The following NHERF1 variants were observed in gnomAD, a reference collection of about 807,000 sequenced individuals.
NHERF1 encodes Na(+)/H(+) exchange regulatory cofactor NHE-RF1.
the NHERF1 span, among the ~76,000 whole-genome samples, chr17:74,755,399 C>A: frequency 6.6e-6 from 1 of 152,186 alleles, no homozygotes; most frequent in Non-Finnish European, 1.5e-5. Flanking sequence ...GAGAGCCCCC[C>A]TCAAGGGTGG....
the NHERF1 span, among the ~76,000 whole-genome samples, chr17:74,757,970 T>G: frequency 1.3e-5 from 2 of 152,216 alleles, no homozygotes; most frequent in Non-Finnish European, 2.9e-5. Context: ...CCCTTTCCTC[T>G]GGGGTCCTGA....
At chr17:74,765,518 A>C in the NHERF1 span, among the ~76,000 whole-genome samples, 1 of 149,726 alleles carries the variant, frequency 6.7e-6, no homozygotes, top group Non-Finnish European at 1.5e-5. Context: ...TCGGCCTCCC[A>C]AAGTACTGCG....
At chr17:74,768,108 C>T in the NHERF1 span, 2 of 1,396,896 alleles carry the variant, frequency 1.4e-6, no homozygotes, top group Non-Finnish European at 2.0e-6. Context: ...CCCCCTCACC[C>T]CATCCTCTGA....
the NHERF1 span, chr17:74,768,698 A>G: frequency 3.2e-6 from 5 of 1,578,300 alleles, no homozygotes; most frequent in South Asian, 3.3e-5. Flanking sequence ...CCGAGCCAGC[A>G]TTCCACCCCA....
chr17:74,752,579 G>T, the NHERF1 span, among the ~76,000 whole-genome samples: 1 of 151,638 alleles, frequency 6.6e-6, no homozygotes, highest in Non-Finnish European at 1.5e-5. Flanking sequence ...CTGCAGCCTC[G>T]ACCTCCAGGG....
the NHERF1 span, among the ~76,000 whole-genome samples, chr17:74,759,858 T>C: frequency 9.8e-5 from 15 of 152,298 alleles, no homozygotes; most frequent in African/African-American, 3.6e-4. Context: ...GGCTGTGTGA[T>C]GTCAGGCAGT....
the NHERF1 span, among the ~76,000 whole-genome samples, chr17:74,757,835 G>A: frequency 1.3e-5 from 2 of 152,164 alleles, no homozygotes; most frequent in Non-Finnish European, 1.5e-5. Context: ...TTCCTGTATT[G>A]GGCATGGGGC....
At chr17:74,768,706 C>A in the NHERF1 span, 25 of 1,537,374 alleles carry the variant, frequency 1.6e-5, no homozygotes, top group Non-Finnish European at 2.2e-5. Flanking sequence ...GCATTCCACC[C>A]CACCTTTTTC....
chr17:74,762,155 C>A, the NHERF1 span: 1 of 1,614,086 alleles, frequency 6.2e-7, no homozygotes, highest in Non-Finnish European at 8.5e-7. This position sits in a 1 kb window ranked among gnomAD's most constrained non-coding sequence, Gnocchi z 4.2. Context: ...GGCTCCGGGC[C>A]CAGGATCGCA....
chr17:74,765,906 A>G, the NHERF1 span, among the ~76,000 whole-genome samples: 2 of 151,784 alleles, frequency 1.3e-5, no homozygotes, highest in Non-Finnish European at 2.9e-5. Context: ...TGTGGTTCCA[A>G]TTTTGGTGTC....
chr17:74,767,035 A>G, the NHERF1 span: 2 of 1,524,144 alleles, frequency 1.3e-6, no homozygotes, highest in Non-Finnish European at 1.8e-6. Context: ...GAGACAGATC[A>G]GAAGGTGCTG....
the NHERF1 span, among the ~76,000 whole-genome samples, chr17:74,758,170 T>G: frequency 6.6e-6 from 1 of 152,186 alleles, no homozygotes; most frequent in Admixed American, 6.5e-5. This position sits in a 1 kb window ranked among gnomAD's most constrained non-coding sequence, Gnocchi z 4.3. Context: ...GATTAGGGTA[T>G]CGACTTTCCC....
chr17:74,759,904 C>T, the NHERF1 span, among the ~76,000 whole-genome samples: 2 of 152,194 alleles, frequency 1.3e-5, no homozygotes, highest in Admixed American at 1.3e-4. Flanking sequence ...TTCCCCATCT[C>T]AAAAACAGCT....
At chr17:74,763,055 T>C in the NHERF1 span, 1 of 295,260 alleles carries the variant, frequency 3.4e-6, no homozygotes, top group South Asian at 6.9e-5. Context: ...AGCAAGTCCT[T>C]ACCCAGGCTG....
the NHERF1 span, chr17:74,748,917 A>G: frequency 6.2e-7 from 1 of 1,601,544 alleles, no homozygotes; most frequent in Non-Finnish European, 8.5e-7. The surrounding 1 kb of genome is among the most constrained non-coding windows in gnomAD (Gnocchi z 4.3). Context: ...CCGAACGGCT[A>G]CGGCTTCCAC....
the NHERF1 span, among the ~76,000 whole-genome samples, chr17:74,751,675 G>A: frequency 6.6e-6 from 1 of 152,192 alleles, no homozygotes; most frequent in Non-Finnish European, 1.5e-5. The surrounding 1 kb of genome is among the most constrained non-coding windows in gnomAD (Gnocchi z 4.3). Context: ...CGCCTGCCCC[G>A]TGGGGAGAGA....
the NHERF1 span, chr17:74,768,468 C>A: frequency 6.2e-7 from 1 of 1,614,074 alleles, no homozygotes; most frequent in East Asian, 2.2e-5. Context: ...CTCTTTACAG[C>A]TGAATTCCCA....
At chr17:74,755,003 G>C in the NHERF1 span, among the ~76,000 whole-genome samples, 1 of 152,110 alleles carries the variant, frequency 6.6e-6, no homozygotes, top group African/African-American at 2.4e-5. Context: ...GGCCATGGCG[G>C]GTCCCAGGAC....
chr17:74,759,873 T>C, the NHERF1 span, among the ~76,000 whole-genome samples: 1 of 152,168 alleles, frequency 6.6e-6, no homozygotes, highest in African/African-American at 2.4e-5. Flanking sequence ...GGCAGTGGGC[T>C]CCACATCTCT....
Sources: allele counts gnomAD v4.1 joint callset (sites outside exome capture counted in the v4.1 genomes callset), GRCh38; gene constraint gnomAD v4.1.1; non-coding constraint Gnocchi (gnomAD v3.1); transcripts MANE v1.5; gene names NCBI Gene and HGNC (gene_info 2026-07-23, HGNC 2026-07-21).